Variants in GRM7 observed in about 807,000 individuals in gnomAD.
GRM7 encodes glutamate metabotropic receptor 7.
A neutral mutation model predicts 84.5 loss-of-function variants in GRM7; 35 were observed. That is an observed-to-expected ratio of 0.41 (90% CI 0.32 to 0.55). The LOEUF is 0.55. Among genes scored for constraint, GRM7 ranks in the 20% least tolerant of loss-of-function variants. GRM7 has a pLI of 0.19. For synonymous variants in GRM7, 487 were observed against 455.1 expected, an observed-to-expected ratio of 1.07 and a Z score of -0.89; for missense variants, 1,003 against 1,194.6, an observed-to-expected ratio of 0.84 and a Z score of 2.36.
At chr3:7,602,080 C>CAAAAAAAAAAAAAAAAAAAAAAAAAAA in intron 8 of GRM7, among the ~76,000 whole-genome samples, 1 of 93,798 alleles carries the variant, frequency 1.1e-5, no homozygotes, top group Non-Finnish European at 2.1e-5. Flanking sequence ...ATTACCAGGA[C>CAAAAAAAAAAAAAAAAAAAAAAAAAAA]AAAAAAAAAA....
At chr3:7,597,452 C>A (rs1358500657) in intron 8 of GRM7, among the ~76,000 whole-genome samples, 3 of 152,160 alleles carry the variant, frequency 2.0e-5, no homozygotes, top group Non-Finnish European at 4.4e-5. Context: ...CCATTCTTAG[C>A]TTGTAGACCA....
chr3:7,253,012 TAAAAAAAAAAA>T (rs539835390), intron 2 of GRM7, among the ~76,000 whole-genome samples: 1 of 70,796 alleles, frequency 1.4e-5, no homozygotes, highest in Non-Finnish European at 2.4e-5. Context: ...TGGCTTTTCT[TAAAAAAAAAAA>T]AAAAAAAAAA....
rs899074609 is a variant in GRM7 at position 6,883,970 on chromosome 3, A to G, written c.519+22063A>G. ...GGTCTGGAGACATGGAACTCCCCCTATAGCCATTAAAGTCAGTGTGAGACA... is the reference window on the plus strand; with the variant it reads ...GGTCTGGAGACATGGAACTCCCCCTGTAGCCATTAAAGTCAGTGTGAGACA... On this transcript the variant is annotated intron_variant, in intron 1 of 9. Transcript: ENST00000357716. 4.6e-5 allele frequency among the ~76,000 whole-genome samples: 7 copies of G among 152,238 alleles called. No homozygotes were observed. In the South Asian group the frequency reaches 6.2e-4, roughly 14 times the overall value.
rs188647162 is a variant in GRM7 at position 7,262,977 on chromosome 3, G to A, written c.737-35707G>A. 8.3e-4 allele frequency among the ~76,000 whole-genome samples: 126 copies of A among 152,358 alleles called. 1 individual carries two copies. Among genetic ancestry groups the A allele is most frequent in the Middle Eastern group, 3.4e-3 (1 of 294 alleles). On this transcript the variant is annotated intron_variant, in intron 2 of 9. Transcript: ENST00000357716. The stretch of plus-strand genomic sequence containing the variant: ...CTCTCAAAATGCTAGAATTACAGGC[G>A]TGAGCCACTGCACCTGGCCTGGGCT...
chr3:7,156,732 G>T (rs1214083477), intron 2 of GRM7, among the ~76,000 whole-genome samples: 1 of 152,086 alleles, frequency 6.6e-6, no homozygotes, highest in African/African-American at 2.4e-5. Context: ...TCATGACCTT[G>T]TCTTATGCTG....
intron 1 of GRM7, among the ~76,000 whole-genome samples, chr3:7,069,187 T>G (rs948972106): frequency 2.6e-5 from 4 of 151,948 alleles, no homozygotes; most frequent in African/African-American, 4.8e-5. Context: ...AAGAGACAGC[T>G]ATGAGGGGTA....
intron 8 of GRM7, among the ~76,000 whole-genome samples, chr3:7,591,636 A>G (rs1199494217): frequency 6.6e-6 from 1 of 152,170 alleles, no homozygotes; most frequent in Non-Finnish European, 1.5e-5. Flanking sequence ...GCATTATAGA[A>G]CTTCTACATA....
intron 7 of GRM7, among the ~76,000 whole-genome samples, chr3:7,501,272 C>T (rs1409184927): frequency 1.3e-5 from 2 of 152,168 alleles, no homozygotes; most frequent in African/African-American, 4.8e-5. Context: ...TTTATCAAAA[C>T]TCACCCTTTT....
rs1287259255 is a variant in GRM7, at chr3:7,550,567, CTCTCTCTCTCTGTG to C, written c.1516-27853_1516-27840del. ...TTTTCTTCTCTCTCTCTCTCTCTCT[CTCTCTCTCTCTGTG>C]TGTGTGTGTGTGTGTGTGTGTGTGT... is the stretch of plus-strand genomic sequence containing the variant. On this transcript the variant is annotated intron_variant, in intron 7 of 9. Transcript: ENST00000357716. Among the ~76,000 whole-genome samples the C allele has an allele frequency of 2.4e-3, 241 of 101,910 alleles. 1 individual carries two copies. The highest frequency in any genetic ancestry group is 0.016 in the South Asian group (46 of 2,958). The allele number at this position is 101,910 out of a possible 152,430, so 66.9% of individuals were successfully genotyped here. A position where few individuals can be genotyped will look rare whatever the true frequency, so the allele number is the denominator to read the frequency against.
chr3:7,665,037 A>C (rs1699625557), intron 8 of GRM7, among the ~76,000 whole-genome samples: 2 of 151,914 alleles, frequency 1.3e-5, no homozygotes, highest in South Asian at 4.2e-4. Flanking sequence ...ATCATTTGGG[A>C]CATCTGCCTG....
intron 1 of GRM7, among the ~76,000 whole-genome samples, chr3:6,997,647 GA>G (rs1559375027): frequency 6.6e-6 from 1 of 152,106 alleles, no homozygotes; most frequent in Non-Finnish European, 1.5e-5. Flanking sequence ...GGTGGGTGGG[GA>G]CACCACCAAA....
At chr3:7,132,786 G>A (rs543549157) in intron 1 of GRM7, among the ~76,000 whole-genome samples, 7 of 152,196 alleles carry the variant, frequency 4.6e-5, no homozygotes, top group Non-Finnish European at 8.8e-5. Context: ...AAGTGGCTTC[G>A]GAATCATTAA....
At chr3:7,101,355 T>C (rs1699101943) in intron 1 of GRM7, among the ~76,000 whole-genome samples, 1 of 151,776 alleles carries the variant, frequency 6.6e-6, no homozygotes, top group African/African-American at 2.4e-5. Context: ...ATTTTGGTTA[T>C]AACTTGCATT....
rs186593060 is a variant in GRM7 at position 6,882,199 on chromosome 3, T to A, written c.519+20292T>A. Among the ~76,000 whole-genome samples, 8 of 152,284 alleles carry A rather than the reference T, an allele frequency of 5.3e-5. No homozygotes were observed. In the East Asian group the frequency reaches 1.5e-3, roughly 29 times the overall value. Reference sequence around the variant, plus strand: ...CTGTACAACTTTTACCAATTCCAAATGATGAATTTGTGGAAAATTAATGCA... The same window carrying A: ...CTGTACAACTTTTACCAATTCCAAAAGATGAATTTGTGGAAAATTAATGCA... On this transcript the variant is annotated intron_variant, in intron 1 of 9. Transcript: ENST00000357716.
At chr3:7,363,606 A>G (rs1312214265) in intron 4 of GRM7, among the ~76,000 whole-genome samples, 2 of 152,142 alleles carry the variant, frequency 1.3e-5, no homozygotes, top group South Asian at 2.1e-4. Context: ...ACTTATAAAG[A>G]TGATGAACAT....
chr3:7,327,475 T>A (rs1701032630), intron 4 of GRM7, among the ~76,000 whole-genome samples: 1 of 152,198 alleles, frequency 6.6e-6, no homozygotes, highest in African/African-American at 2.4e-5. Flanking sequence ...AACAAAGAAA[T>A]ATTGATTCTA....
At chr3:7,194,332 G>A (rs1374770170) in intron 2 of GRM7, among the ~76,000 whole-genome samples, 1 of 152,176 alleles carries the variant, frequency 6.6e-6, no homozygotes, top group Non-Finnish European at 1.5e-5. Flanking sequence ...TCATGGGAAT[G>A]TTGTGATAGC....
chr3:7,333,027 C>A (rs796766704), intron 4 of GRM7, among the ~76,000 whole-genome samples: 22 of 152,204 alleles, frequency 1.4e-4, no homozygotes, highest in African/African-American at 5.3e-4. Flanking sequence ...CTTGAAAGTG[C>A]CACCTCCTGG....
At chr3:7,042,148 CT>C in intron 1 of GRM7, among the ~76,000 whole-genome samples, 1 of 152,144 alleles carries the variant, frequency 6.6e-6, no homozygotes, top group Non-Finnish European at 1.5e-5. Flanking sequence ...CTTCTGTGAG[CT>C]GCTCCAGAAA....
Sources: allele counts gnomAD v4.1 joint callset (sites outside exome capture counted in the v4.1 genomes callset), GRCh38; gene constraint gnomAD v4.1.1; transcripts MANE v1.5; gene names NCBI Gene and HGNC (gene_info 2026-07-23, HGNC 2026-07-21).